Variants in HIVEP3 observed in about 807,000 individuals in gnomAD.
HIVEP3 encodes the protein transcription factor HIVEP3.
In HIVEP3, 49 loss-of-function variants were observed where a neutral mutation model predicts 152.8. The observed-to-expected ratio is 0.32, with a 90% confidence interval of 0.26 to 0.41. The LOEUF (loss-of-function observed/expected upper bound fraction) is 0.41, where lower values mean the gene tolerates loss of function less well. Ranked by LOEUF, HIVEP3 falls within the 10% of genes least tolerant of loss-of-function variation. The pLI, the probability that HIVEP3 is intolerant of heterozygous loss-of-function variation, is 1.00. For missense variants in HIVEP3, 2,790 were observed against 3,103.3 expected (o/e 0.90, Z 2.40); for synonymous variants, 1,269 against 1,289.0 (o/e 0.98, Z 0.33).
At chr1:41,525,710 C>G (rs929895292) in intron 5 of HIVEP3, among the ~76,000 whole-genome samples, 5 of 152,192 alleles carry the variant, frequency 3.3e-5, no homozygotes, top group Admixed American at 6.5e-5. Context: ...AGAAGCTGCG[C>G]CTGAAGCACG....
At chr1:41,955,525 C>T (rs939211635) in intron 1 of HIVEP3, among the ~76,000 whole-genome samples, 2 of 152,126 alleles carry the variant, frequency 1.3e-5, no homozygotes, top group African/African-American at 4.8e-5. Flanking sequence ...TAAAACCAAC[C>T]ACAACAATGA....
chr1:41,986,675 C>T (rs1645325426), intron 1 of HIVEP3, among the ~76,000 whole-genome samples: 1 of 152,060 alleles, frequency 6.6e-6, no homozygotes. Flanking sequence ...CTCCTGACCT[C>T]GTGATCCACC....
At chr1:41,602,105 G>A (rs1417388609) in intron 3 of HIVEP3, among the ~76,000 whole-genome samples, 1 of 152,036 alleles carries the variant, frequency 6.6e-6, no homozygotes, top group Non-Finnish European at 1.5e-5. Flanking sequence ...ACTTGGTCAT[G>A]GTGTATGATC....
intron 1 of HIVEP3, among the ~76,000 whole-genome samples, chr1:41,765,785 T>C (rs2124254642): frequency 6.6e-6 from 1 of 152,254 alleles, no homozygotes; most frequent in East Asian, 1.9e-4. Context: ...TCCTATCCCA[T>C]TGACTTTCCC....
At chr1:41,819,065 T>C (rs1284576800) in intron 1 of HIVEP3, among the ~76,000 whole-genome samples, 2 of 152,254 alleles carry the variant, frequency 1.3e-5, no homozygotes, top group African/African-American at 4.8e-5. Flanking sequence ...GCCCCTAAGA[T>C]ACTCACTAAT....
chr1:41,812,896 G>T (rs774313150), intron 1 of HIVEP3, among the ~76,000 whole-genome samples: 1 of 144,970 alleles, frequency 6.9e-6, no homozygotes, highest in Non-Finnish European at 1.5e-5. Context: ...GGTGGGGGGC[G>T]GTCCTTGCAG....
In HIVEP3 at chr1:41,908,384, T is replaced by C. The variant is rs190900494; in HGVS notation, c.-801+10029A>G. On this transcript the variant is annotated intron_variant, in intron 1 of 8. Coordinates refer to ENST00000372583, the MANE Select transcript of HIVEP3 (RefSeq NM_024503.5). ...TCATTCACTTCTAGTAAGACTCTTA[T>C]TGGCAGGTTTAAAGCACCCCTACCC... Among the ~76,000 whole-genome samples the C allele has an allele frequency of 8.5e-5, 13 of 152,320 alleles. No individual in the cohort carries two copies. The East Asian group carries it at 9.6e-4, about 11-fold the overall frequency.
chr1:41,757,641 G>T lies in HIVEP3; in HGVS notation c.-800-56646C>A, dbSNP rs931748003. Among the ~76,000 whole-genome samples, 14 of 152,098 alleles carry T rather than the reference G, an allele frequency of 9.2e-5. No individual in the cohort carries two copies. The East Asian group carries it at 2.7e-3, about 29-fold the overall frequency. On this transcript the variant is annotated intron_variant, in intron 1 of 8. Transcript: ENST00000372583. ...AGAATAGGGGAATGGAGGAATTTTG[G>T]TTGATTTGGTTGATTAATTACAGCC...
chr1:41,620,935 G>C (rs7529858), intron 3 of HIVEP3, among the ~76,000 whole-genome samples: 94,039 of 152,048 alleles, frequency 0.62, 29,574 homozygotes, highest in African/African-American at 0.74. Context: ...GCGGCACCTC[G>C]AGGACCACCC....
intron 1 of HIVEP3, among the ~76,000 whole-genome samples, chr1:41,822,395 C>A (rs1201634403): frequency 6.6e-6 from 1 of 152,214 alleles, no homozygotes; most frequent in Non-Finnish European, 1.5e-5. Context: ...AGGGAATCTG[C>A]TTCTGGATGG....
intron 1 of HIVEP3, among the ~76,000 whole-genome samples, chr1:41,898,630 A>G (rs1020307181): frequency 1.3e-5 from 2 of 152,170 alleles, no homozygotes; most frequent in Non-Finnish European, 2.9e-5. Context: ...CTGGAGATAC[A>G]CAGGACGTGG....
intron 2 of HIVEP3, among the ~76,000 whole-genome samples, chr1:41,633,454 C>T (rs1245291839): frequency 6.6e-6 from 1 of 152,130 alleles, no homozygotes; most frequent in East Asian, 1.9e-4. Context: ...AGAGTGGATC[C>T]TCTCAGTTTC....
At chr1:41,921,048 G>T (rs1477356321), upstream of HIVEP3, among the ~76,000 whole-genome samples, 1 of 152,140 alleles carries the variant, frequency 6.6e-6, no homozygotes, top group Admixed American at 6.5e-5. Flanking sequence ...AAGGTCATTT[G>T]GTCCATCTAT....
rs1645722348 is a variant in HIVEP3, at chr1:41,662,103, G to C, written c.-720-33156C>G. The C allele has an allele frequency of 6.6e-6, 1 of 151,680 alleles. No homozygotes were observed. The highest frequency in any genetic ancestry group is 1.9e-4 in the East Asian group (1 of 5,148). 9.4% of individuals were successfully genotyped at this position (151,680 alleles called of 1,614,324 possible). A position where few individuals can be genotyped will look rare whatever the true frequency, so the allele number is the denominator to read the frequency against. ...TCCCTGGGCTGCCAGGCCGCGGCGG[G>C]GGCGCGGCGCGCGGGGCGCTCGTTG... On this transcript the variant is annotated intron_variant, in intron 2 of 8. Coordinates refer to ENST00000372583, the MANE Select transcript of HIVEP3 (RefSeq NM_024503.5). This position sits in a 1 kb window ranked among gnomAD's most constrained non-coding sequence, Gnocchi z 7.2.
chr1:41,623,251 A>G (rs1355196231), intron 3 of HIVEP3, among the ~76,000 whole-genome samples: 1 of 152,180 alleles, frequency 6.6e-6, no homozygotes, highest in Non-Finnish European at 1.5e-5. Flanking sequence ...GCGACACGAG[A>G]AACCACGAAA....
intron 1 of HIVEP3, among the ~76,000 whole-genome samples, chr1:41,720,226 C>A (rs1489065120): frequency 6.6e-6 from 1 of 152,226 alleles, no homozygotes; most frequent in African/African-American, 2.4e-5. Flanking sequence ...GAGCTCAGGA[C>A]ACCACCTCTG....
At chr1:41,518,378 A>G (rs746574038) in intron 7 of HIVEP3, 24 bp downstream of exon 7, 9 of 1,591,576 alleles carry the variant, frequency 5.7e-6, no homozygotes, top group Admixed American at 5.0e-5. Flanking sequence ...GGGAAAGGGG[A>G]CGGAGAAGGT....
chr1:41,592,473 G>A (rs975107811), intron 3 of HIVEP3, among the ~76,000 whole-genome samples: 6 of 152,316 alleles, frequency 3.9e-5, no homozygotes, highest in Admixed American at 3.3e-4. Flanking sequence ...TTGACCTTAA[G>A]CTGAGGAGAA....
chr1:41,778,446 A>G (rs1188698999), intron 1 of HIVEP3, among the ~76,000 whole-genome samples: 1 of 152,124 alleles, frequency 6.6e-6, no homozygotes, highest in African/African-American at 2.4e-5. Flanking sequence ...TGATAAGAGC[A>G]CCTGAAATGA....
Sources: gnomAD v4.1 joint callset for allele counts (sites outside exome capture counted in the v4.1 genomes callset) on GRCh38, gnomAD v4.1.1 for gene constraint, Gnocchi (gnomAD v3.1) non-coding constraint, MANE v1.5 for transcripts, NCBI Gene and HGNC (gene_info 2026-07-23, HGNC 2026-07-21) for gene names.